Variants in GIGYF2 observed in about 807,000 individuals in gnomAD.
GIGYF2 encodes the protein GRB10 interacting GYF protein 2, also known as GRB10-interacting GYF protein 2.
GIGYF2 carries 25 observed loss-of-function variants against 208.1 expected under a neutral mutation model. That is an observed-to-expected ratio of 0.12 (90% CI 0.09 to 0.17). The LOEUF is 0.17. Ranked by LOEUF, GIGYF2 falls within the 10% of genes least tolerant of loss-of-function variation. GIGYF2 has a pLI of 1.00. For missense variants in GIGYF2, 1,302 were observed against 1,579.4 expected (o/e 0.82, Z 2.98); for synonymous variants, 534 against 543.8 (o/e 0.98, Z 0.25).
chr2:232,834,332 C>A (rs1046945645), intron 22 of GIGYF2, among the ~76,000 whole-genome samples: 1 of 152,068 alleles, frequency 6.6e-6, no homozygotes, highest in African/African-American at 2.4e-5. Context: ...TGTGCAGATT[C>A]GCACCCCAGA....
At chr2:232,717,789 A>T (rs922707003) in intron 2 of GIGYF2, among the ~76,000 whole-genome samples, 2 of 151,904 alleles carry the variant, frequency 1.3e-5, no homozygotes, top group African/African-American at 2.4e-5. Flanking sequence ...TTTAACAACT[A>T]GCTCTCTTGG....
intron 14 of GIGYF2, among the ~76,000 whole-genome samples, chr2:232,804,558 C>T (rs1283360934): frequency 6.6e-6 from 1 of 152,050 alleles, no homozygotes; most frequent in East Asian, 1.9e-4. Context: ...GTGGCGCGAT[C>T]TCGGCTCCCT....
chr2:232,798,950 GGCAAT>G (rs1186632233), intron 14 of GIGYF2, among the ~76,000 whole-genome samples: 2 of 149,544 alleles, frequency 1.3e-5, no homozygotes, highest in Non-Finnish European at 3.0e-5. Context: ...TCCAGTCCCT[GGCAAT>G]TACCATTGCC....
At chr2:232,848,012 T>C (rs1027046368) in intron 27 of GIGYF2, among the ~76,000 whole-genome samples, 4 of 152,226 alleles carry the variant, frequency 2.6e-5, no homozygotes, top group Admixed American at 2.0e-4. Flanking sequence ...TTATTCACAG[T>C]AGTTACATTC....
At chr2:232,750,828 C>T (rs1261078968) in intron 5 of GIGYF2, among the ~76,000 whole-genome samples, 2 of 151,956 alleles carry the variant, frequency 1.3e-5, no homozygotes, top group African/African-American at 4.8e-5. Flanking sequence ...GGTTCTCACT[C>T]TGTCATCCAG....
Position 232,812,489 on chromosome 2 carries a change from C to G in GIGYF2, c.2105C>G (p.Thr702Arg). ...WELQPTASQP[T>R]VWEGGSVWDL... ...CTTCAGCCAACAGCTTCACAGCCTA[C>G]AGGTAAAAACTTAGATTAACCTTTA... is the stretch of plus-strand genomic sequence containing the variant. Residue 702 changes from threonine to arginine, a missense_variant and splice_region_variant, in exon 18 of 29, where the codon ACA becomes AGA. Around this residue, in one of 8 missense-constraint regions of GIGYF2, gnomAD observed 701 missense variants for 793.0 expected, o/e 0.88. Transcript: ENST00000373563. 7.7e-7 allele frequency: 1 copy of G among 1,294,692 alleles called. No individual in the cohort carries two copies. Among genetic ancestry groups the G allele is most frequent in the Non-Finnish European group, 1.1e-6 (1 of 888,846 alleles). The allele number at this position is 1,294,692 out of a possible 1,614,324, so 80.2% of individuals were successfully genotyped here.
At chr2:232,778,917 C>G (rs1480047899) in intron 8 of GIGYF2, among the ~76,000 whole-genome samples, 3 of 152,126 alleles carry the variant, frequency 2.0e-5, no homozygotes, top group African/African-American at 7.2e-5. Context: ...GGTTAATCTT[C>G]CCTGATTGAT....
chr2:232,836,001 T>C (rs1320136540), intron 22 of GIGYF2, among the ~76,000 whole-genome samples: 1 of 151,762 alleles, frequency 6.6e-6, no homozygotes, highest in African/African-American at 2.4e-5. Context: ...CTGATGCAGT[T>C]AGGACAGCTT....
At position 232,817,046 on chromosome 2, in the gene GIGYF2, A is replaced by G. The variant is rs1348021138; in HGVS notation, c.2370+14A>G. The G allele has an allele frequency of 1.3e-6, 2 of 1,593,170 alleles. No individual in the cohort carries two copies. The highest frequency in any genetic ancestry group is 1.7e-4 in the Middle Eastern group (1 of 6,024). On this transcript the variant is annotated intron_variant, in intron 20 of 28. Transcript: ENST00000373563. ...CGAAGGAAACAGGTATGTATCTGGGAACTCTGACCATAGGATTAGTGCTTG... is the reference window on the plus strand; with the variant it reads ...CGAAGGAAACAGGTATGTATCTGGGGACTCTGACCATAGGATTAGTGCTTG...
rs1177349870 is a variant in GIGYF2 at position 232,843,938 on chromosome 2, T to G, written c.2890-108T>G. 3.6e-5 allele frequency: 34 copies of G among 956,810 alleles called. No individual in the cohort carries two copies. The Admixed American group carries it at 6.2e-4, about 17-fold the overall frequency. The allele number at this position is 956,810 out of a possible 1,614,324, so 59.3% of individuals were successfully genotyped here. On this transcript the variant is annotated intron_variant, in intron 23 of 28. Transcript: ENST00000373563. ...ACAGCAGAATTTAATCCCATCAAGT[T>G]AATTTTATGTAGCTACTGTGTATTT...
At chr2:232,733,134 G>A (rs1347177567) in intron 2 of GIGYF2, among the ~76,000 whole-genome samples, 2 of 152,068 alleles carry the variant, frequency 1.3e-5, no homozygotes, top group Admixed American at 1.3e-4. Flanking sequence ...GCACGTGCCT[G>A]TAGTCCCAGC....
chr2:232,781,285 A>AAC (rs1399563065), intron 8 of GIGYF2, among the ~76,000 whole-genome samples: 12 of 64,850 alleles, frequency 1.9e-4, no homozygotes, highest in Admixed American at 5.3e-4. Context: ...TTATATCAGG[A>AAC]ATACACACAC....
chr2:232,705,494 T>C (rs10427328), intron 2 of GIGYF2: 99,811 of 152,014 alleles, frequency 0.66, 33,054 homozygotes, highest in South Asian at 0.79. Context: ...CCACATCCTC[T>C]GCCTCCTGGG....
intron 3 of GIGYF2, among the ~76,000 whole-genome samples, chr2:232,740,579 A>C (rs953695186): frequency 1.3e-5 from 2 of 152,252 alleles, no homozygotes; most frequent in Non-Finnish European, 2.9e-5. Context: ...CTTGCCCAAG[A>C]AGAGCTAATT....
intron 3 of GIGYF2, chr2:232,735,821 G>T (rs1697710310): frequency 2.0e-6 from 2 of 985,394 alleles, no homozygotes; most frequent in Non-Finnish European, 2.4e-6. Context: ...TCACATTGTA[G>T]TGTGGCTTCC....
rs1410308270 is a variant in GIGYF2 at position 232,859,853 on chromosome 2, C to T, written c.*2993C>T. The T allele has an allele frequency of 2.6e-5, 4 of 152,096 alleles. No individual in the cohort carries two copies. Among genetic ancestry groups the T allele is most frequent in the Admixed American group, 2.6e-4 (4 of 15,260 alleles). The allele number at this position is 152,096 out of a possible 1,614,324, so 9.4% of individuals were successfully genotyped here. A position where few individuals can be genotyped will look rare whatever the true frequency, so the allele number is the denominator to read the frequency against. On this transcript the variant is annotated 3_prime_UTR_variant, in exon 29 of 29. Coordinates refer to ENST00000373563, the MANE Select transcript of GIGYF2 (RefSeq NM_001103146.3). Reference sequence around the variant, plus strand: ...TTGAACTTAAGTGGTGATTGGCTTCCCCCAGAGAACCAGGCAGAAGCTGTG... The same window carrying T: ...TTGAACTTAAGTGGTGATTGGCTTCTCCCAGAGAACCAGGCAGAAGCTGTG...
chr2:232,847,578 A>G lies in GIGYF2; in HGVS notation c.3684+7A>G. On this transcript the variant is annotated splice_region_variant and intron_variant, in intron 27 of 28. Coordinates refer to ENST00000373563, the MANE Select transcript of GIGYF2 (RefSeq NM_001103146.3). ...ACAGCAGCCACAACAGCAGGTATAA[A>G]GTAGTGTGGTGTATGCGGTACCTCT... The G allele has an allele frequency of 1.9e-6, 3 of 1,612,398 alleles. No homozygotes were observed. The highest frequency in any genetic ancestry group is 2.2e-5 in the East Asian group (1 of 44,878).
chr2:232,840,043 G>A, intron 23 of GIGYF2, 72 bp downstream of exon 23: 2 of 1,406,940 alleles, frequency 1.4e-6, no homozygotes, highest in Non-Finnish European at 1.0e-6. Context: ...ATGGGTTAGT[G>A]GTTACTGAGG....
At chr2:232,849,882 A>G (rs2241979) in intron 27 of GIGYF2, among the ~76,000 whole-genome samples, 5,053 of 152,278 alleles carry the variant, frequency 0.033, 239 homozygotes, top group East Asian at 0.23. Flanking sequence ...CCAGGGAACA[A>G]AGAGACTTTC....
Sources: gnomAD v4.1 joint callset for allele counts (sites outside exome capture counted in the v4.1 genomes callset) on GRCh38, gnomAD v4.1.1 for gene constraint, gnomAD v4.1.1 regional missense constraint, MANE v1.5 for transcripts, NCBI Gene and HGNC (gene_info 2026-07-23, HGNC 2026-07-21) for gene names.